The following PCDHGA3 variants were observed in gnomAD, a reference collection of about 807,000 sequenced individuals.
PCDHGA3 encodes protocadherin gamma-A3.
In PCDHGA3, 40 loss-of-function variants were observed where a neutral mutation model predicts 58.5. The ratio of observed to expected loss-of-function variants is 0.68; its 90% CI spans 0.53 to 0.89. PCDHGA3 has a LOEUF of 0.89. PCDHGA3 is among the 40% of genes least tolerant of loss of function. The pLI, the probability that PCDHGA3 is intolerant of heterozygous loss-of-function variation, is 0.00. For synonymous variants in PCDHGA3, 530 were observed against 525.7 expected, an observed-to-expected ratio of 1.01 and a Z score of -0.11; for missense variants, 1,223 against 1,195.9, an observed-to-expected ratio of 1.02 and a Z score of -0.33.
rs751976949 is a variant in PCDHGA3, at chr5:141,414,873, C to A, written c.2424+68416C>A. The A allele has an allele frequency of 6.2e-6, 10 of 1,614,108 alleles. No homozygotes were observed. The Admixed American group carries it at 1.2e-4, about 19-fold the overall frequency. ...ACCAGAACGACAATGCGCCCGAGAT[C>A]CTGTACCCCGCCCTCCCCACAGACG... On this transcript the variant is annotated intron_variant, in intron 1 of 3. Transcript: ENST00000253812.
intron 1 of PCDHGA3, chr5:141,351,220 A>T: frequency 4.3e-6 from 7 of 1,614,038 alleles, no homozygotes; most frequent in Non-Finnish European, 5.9e-6. Context: ...CTAAGGATGG[A>T]GGAGTACACA....
rs750139205 is a variant in PCDHGA3 at position 141,489,738 on chromosome 5, T to C, written c.2425-5069T>C. Reference sequence around the variant, plus strand: ...AGGATCCGGATGTGGGCACCAATACTGTGAGCTTTTACACTCTAAGCCCCA... The same window carrying C: ...AGGATCCGGATGTGGGCACCAATACCGTGAGCTTTTACACTCTAAGCCCCA... On this transcript the variant is annotated intron_variant, in intron 1 of 3. Coordinates refer to ENST00000253812, the MANE Select transcript of PCDHGA3 (RefSeq NM_018916.4). This position sits in a 1 kb window ranked among gnomAD's most constrained non-coding sequence, Gnocchi z 4.5. 1 of 1,614,168 alleles carries C rather than the reference T, an allele frequency of 6.2e-7. No individual in the cohort carries two copies. Among genetic ancestry groups the C allele is most frequent in the Non-Finnish European group, 8.5e-7 (1 of 1,180,030 alleles).
chr5:141,464,572 A>G (rs912710973), intron 1 of PCDHGA3, among the ~76,000 whole-genome samples: 5 of 152,148 alleles, frequency 3.3e-5, no homozygotes, highest in African/African-American at 1.2e-4. Flanking sequence ...CTACAAATAG[A>G]TGAGAATGTC....
chr5:141,392,971 G>T (rs2092639952), intron 1 of PCDHGA3: 1 of 1,613,896 alleles, frequency 6.2e-7, no homozygotes, highest in Non-Finnish European at 8.5e-7. Flanking sequence ...AAGGACCTGG[G>T]GCTGGACCCC....
At chr5:141,371,633 G>C in intron 1 of PCDHGA3, 1 of 1,614,040 alleles carries the variant, frequency 6.2e-7, no homozygotes, top group Non-Finnish European at 8.5e-7. Context: ...TGGACCGGGA[G>C]CAGATCCCAG....
intron 1 of PCDHGA3, chr5:141,398,970 C>G (rs1320199481): frequency 6.2e-7 from 1 of 1,613,958 alleles, no homozygotes; most frequent in South Asian, 1.1e-5. Flanking sequence ...CTTATTCCTT[C>G]TACAGAACCG....
intron 1 of PCDHGA3, chr5:141,366,233 A>T (rs1354193643): frequency 6.2e-7 from 1 of 1,613,792 alleles, no homozygotes; most frequent in Admixed American, 1.7e-5. Flanking sequence ...CCTGCTGGAC[A>T]GAGACGCGCT....
intron 1 of PCDHGA3, among the ~76,000 whole-genome samples, chr5:141,387,076 G>T (rs531327789): frequency 2.8e-4 from 42 of 152,310 alleles, no homozygotes; most frequent in African/African-American, 9.4e-4. Flanking sequence ...GTAGGCTACT[G>T]CCTGTGATCA....
rs2099606006 is a variant in PCDHGA3, at chr5:141,485,058, G to A, written c.2425-9749G>A. Reference sequence around the variant, plus strand: ...TAACCCTTGCGGCGCCGGCCGAACCGCGCCAGAGCTGGCGCGGGGAAAGGG... The same window carrying A: ...TAACCCTTGCGGCGCCGGCCGAACCACGCCAGAGCTGGCGCGGGGAAAGGG... On this transcript the variant is annotated intron_variant, in intron 1 of 3. Coordinates refer to ENST00000253812, the MANE Select transcript of PCDHGA3 (RefSeq NM_018916.4). The surrounding 1 kb of genome is among the most constrained non-coding windows in gnomAD (Gnocchi z 5.7). 1 of 848,828 alleles carries A rather than the reference G, an allele frequency of 1.2e-6. No individual in the cohort carries two copies. The highest frequency in any genetic ancestry group is 1.9e-6 in the Non-Finnish European group (1 of 529,084). The allele number at this position is 848,828 out of a possible 1,614,324, so 52.6% of individuals were successfully genotyped here.
chr5:141,396,347 G>A (rs765584625), intron 1 of PCDHGA3: 21 of 152,416 alleles, frequency 1.4e-4, no homozygotes, highest in Non-Finnish European at 2.5e-4. Context: ...GGCCGGGTGC[G>A]GTGGCTCACG....
At chr5:141,463,532 T>G (rs1237301892) in intron 1 of PCDHGA3, among the ~76,000 whole-genome samples, 1 of 133,692 alleles carries the variant, frequency 7.5e-6, no homozygotes, top group African/African-American at 2.8e-5. Flanking sequence ...TACTAGAAAC[T>G]CCGGCTCCCG....
chr5:141,487,404 C>A lies in PCDHGA3; in HGVS notation c.2425-7403C>A, dbSNP rs771371344. 1.2e-6 allele frequency: 2 copies of A among 1,614,178 alleles called. No homozygotes were observed. Among genetic ancestry groups the A allele is most frequent in the Non-Finnish European group, 1.7e-6 (2 of 1,180,032 alleles). ...AGATCTCGAAGGAGGGAGGGGCTTC[C>A]CCCTTCCAATGGGATCCTCCGAATC... is the stretch of plus-strand genomic sequence containing the variant. On this transcript the variant is annotated intron_variant, in intron 1 of 3. Coordinates refer to ENST00000253812, the MANE Select transcript of PCDHGA3 (RefSeq NM_018916.4). The surrounding 1 kb of genome is among the most constrained non-coding windows in gnomAD (Gnocchi z 5.0).
At chr5:141,354,207 T>A (rs1263653590) in intron 1 of PCDHGA3, among the ~76,000 whole-genome samples, 1 of 152,246 alleles carries the variant, frequency 6.6e-6, no homozygotes, top group South Asian at 2.1e-4. Flanking sequence ...GTCTAACTTT[T>A]CTTTTTATTT....
chr5:141,502,003 G>A (rs945565369), intron 2 of PCDHGA3, among the ~76,000 whole-genome samples: 17 of 151,966 alleles, frequency 1.1e-4, no homozygotes, highest in Admixed American at 1.1e-3. Flanking sequence ...CTGACAACCC[G>A]CATGCTCTCC....
At chr5:141,366,100 G>A (rs1380197041) in intron 1 of PCDHGA3, 1 of 1,614,140 alleles carries the variant, frequency 6.2e-7, no homozygotes, top group Non-Finnish European at 8.5e-7. Flanking sequence ...TGGTGACCAA[G>A]GTGGTAGCGG....
intron 1 of PCDHGA3, chr5:141,409,138 A>G (rs2095229593): frequency 1.2e-6 from 2 of 1,614,046 alleles, no homozygotes; most frequent in Non-Finnish European, 1.7e-6. Flanking sequence ...TTGAAGATGT[A>G]GAAAGGTACA....
chr5:141,461,506 AT>A (rs1406680307), intron 1 of PCDHGA3, among the ~76,000 whole-genome samples: 2 of 151,524 alleles, frequency 1.3e-5, no homozygotes, highest in Non-Finnish European at 1.5e-5. Context: ...TTTCTTGGTG[AT>A]TTGTTAGTTC....
rs534823543 is a variant in PCDHGA3, at chr5:141,383,535, C to T, written c.2424+37078C>T. ...AAGAGCGGGTTCACCACCTGGTCCT[C>T]ACAGCCTCTGATGGCGGCGACCCGC... On this transcript the variant is annotated intron_variant, in intron 1 of 3. Transcript: ENST00000253812. The T allele has an allele frequency of 1.9e-5, 31 of 1,612,472 alleles. No individual in the cohort carries two copies. The African/African-American group carries it at 3.7e-4, about 19-fold the overall frequency.
chr5:141,383,658 G>A, intron 1 of PCDHGA3: 1 of 1,614,036 alleles, frequency 6.2e-7, no homozygotes, highest in Admixed American at 1.7e-5. Context: ...CTGTCCCCGA[G>A]AATGTGCCAG....
Sources: allele counts gnomAD v4.1 joint callset (sites outside exome capture counted in the v4.1 genomes callset), GRCh38; gene constraint gnomAD v4.1.1; non-coding constraint Gnocchi (gnomAD v3.1); transcripts MANE v1.5; gene names NCBI Gene and HGNC (gene_info 2026-07-23, HGNC 2026-07-21).